Variants in PIWIL2 observed in about 807,000 individuals in gnomAD.
PIWIL2 encodes the protein piwi-like protein 2.
In PIWIL2, 81 loss-of-function variants were observed where a neutral mutation model predicts 116.5. The ratio of observed to expected loss-of-function variants is 0.70; its 90% CI spans 0.58 to 0.84. The LOEUF (loss-of-function observed/expected upper bound fraction) is 0.84. PIWIL2 is among the 40% of genes least tolerant of loss of function. The probability of loss-of-function intolerance (pLI) is 0.00; values close to 1 mark genes in which losing one functional copy is unlikely to be tolerated. For missense variants in PIWIL2, 1,272 were observed against 1,212.3 expected (o/e 1.05, Z -0.73); for synonymous variants, 489 against 429.5 (o/e 1.14, Z -1.71).
intron 18 of PIWIL2, 30 bp from the exon 19 acceptor site, chr8:22,316,215 T>G: frequency 1.4e-6 from 2 of 1,406,000 alleles, no homozygotes; most frequent in Non-Finnish European, 2.0e-6. Flanking sequence ...AGGTCTGGGG[T>G]TTGGTTTTTG....
rs755506555 is a variant in PIWIL2 at position 22,283,221 on chromosome 8, A to C, written c.613A>C (p.Thr205Pro). 3 of 1,613,680 alleles carry C rather than the reference A, an allele frequency of 1.9e-6. No individual in the cohort carries two copies. The highest frequency in any genetic ancestry group is 2.5e-6 in the Non-Finnish European group (3 of 1,179,760). Residue 205 changes from threonine (T) to proline (P), a missense_variant, in exon 5 of 23, where the codon ACT becomes CCT. Coordinates refer to ENST00000356766, the MANE Select transcript of PIWIL2 (RefSeq NM_018068.5). ...LHSPDRPLVL[T>P]VEHKEKELIV... The stretch of plus-strand genomic sequence containing the variant: ...CTCTCCAGATCGCCCTCTGGTCCTG[A>C]CTGTGGAACACAAGGAAAAGTAAGT...
intron 10 of PIWIL2, among the ~76,000 whole-genome samples, chr8:22,293,224 G>A (rs954194458): frequency 2.0e-5 from 3 of 152,200 alleles, no homozygotes; most frequent in African/African-American, 7.2e-5. Flanking sequence ...TGGGAGGACT[G>A]CTTGAGGCCA....
At chr8:22,284,315 A>AG (rs1489347945) in intron 6 of PIWIL2, 43 bp downstream of exon 6, 2 of 1,036,428 alleles carry the variant, frequency 1.9e-6, no homozygotes, top group Non-Finnish European at 2.9e-6. Flanking sequence ...CTTAAAGGGC[A>AG]GTAAAAAAAA....
intron 20 of PIWIL2, among the ~76,000 whole-genome samples, chr8:22,347,889 C>T (rs767694971): frequency 7.2e-5 from 11 of 152,142 alleles, no homozygotes; most frequent in South Asian, 2.1e-4. Flanking sequence ...CTCTTACACT[C>T]CTCTGTTGCC....
rs1273180530 is a variant in PIWIL2, at chr8:22,275,369, T to C, written c.-76T>C. ...GTCTTCCCCTGAGGCCGCGCGGAGC[T>C]GGGCGACTGGGGCGAGGACTCGCGC... On this transcript the variant is annotated 5_prime_UTR_variant, in exon 1 of 23. Transcript: ENST00000356766. The C allele has an allele frequency of 2.0e-5, 3 of 152,624 alleles. No individual in the cohort carries two copies. The highest frequency in any genetic ancestry group is 3.9e-4 in the East Asian group (2 of 5,182). The allele number at this position is 152,624 out of a possible 1,614,324, so 9.5% of individuals were successfully genotyped here. A position where few individuals can be genotyped will look rare whatever the true frequency, so the allele number is the denominator to read the frequency against.
At chr8:22,281,271 A>G in intron 3 of PIWIL2, 64 bp downstream of exon 3, 1 of 1,547,950 alleles carries the variant, frequency 6.5e-7, no homozygotes, top group South Asian at 1.2e-5. Context: ...TAAAATCCAA[A>G]TGGTTTATTT....
At chr8:22,291,197 C>G (rs1830759075) in intron 10 of PIWIL2, among the ~76,000 whole-genome samples, 1 of 150,856 alleles carries the variant, frequency 6.6e-6, no homozygotes, top group South Asian at 2.1e-4. Flanking sequence ...GTTGCTTAGG[C>G]TGAAGTGCAG....
At chr8:22,298,831 G>A (rs1352086995) in intron 10 of PIWIL2, among the ~76,000 whole-genome samples, 2 of 152,224 alleles carry the variant, frequency 1.3e-5, no homozygotes, top group African/African-American at 4.8e-5. Flanking sequence ...GAGGAAGGGT[G>A]GTTACTCAGG....
chr8:22,319,264 C>T (rs1488108742), intron 20 of PIWIL2, among the ~76,000 whole-genome samples: 1 of 152,196 alleles, frequency 6.6e-6, no homozygotes, highest in African/African-American at 2.4e-5. Flanking sequence ...CCTATAGCAT[C>T]CTGCAAATAC....
intron 20 of PIWIL2, among the ~76,000 whole-genome samples, chr8:22,343,752 G>T (rs1007875458): frequency 6.6e-6 from 1 of 152,202 alleles, no homozygotes; most frequent in African/African-American, 2.4e-5. Context: ...GCTGGTGAGG[G>T]TGTAGAGCCA....
At chr8:22,319,822 C>G (rs1233602669) in intron 20 of PIWIL2, among the ~76,000 whole-genome samples, 1 of 152,186 alleles carries the variant, frequency 6.6e-6, no homozygotes, top group Non-Finnish European at 1.5e-5. Flanking sequence ...GGAAGTAATG[C>G]AGTATCACTT....
At chr8:22,349,335 TA>T (rs1294286883) in intron 20 of PIWIL2, among the ~76,000 whole-genome samples, 4 of 150,240 alleles carry the variant, frequency 2.7e-5, no homozygotes, top group Non-Finnish European at 4.4e-5. Context: ...ATTGATTTAT[TA>T]AGTCCCTTCT....
At chr8:22,351,043 T>C (rs1435189374) in intron 20 of PIWIL2, among the ~76,000 whole-genome samples, 1 of 151,688 alleles carries the variant, frequency 6.6e-6, no homozygotes, top group Admixed American at 6.6e-5. Flanking sequence ...CCCAGCTACT[T>C]GAGAGGCTGA....
chr8:22,307,925 C>A lies in PIWIL2; in HGVS notation c.1546-8C>A, dbSNP rs75567888. 92,614 of 1,586,628 alleles carry A rather than the reference C, an allele frequency of 0.058. 3,134 individuals carry two copies. The highest frequency in any genetic ancestry group is 0.11 in the Admixed American group (6,420 of 57,932). On this transcript the variant is annotated splice_polypyrimidine_tract_variant and splice_region_variant and intron_variant, in intron 13 of 22. Transcript: ENST00000356766. ...TTTATAAGTTATCTTTATTTTAATT[C>A]TGTTTAGGATTTGGCTCAGCAAATC...
chr8:22,298,673 G>A (rs1336914504), intron 10 of PIWIL2, among the ~76,000 whole-genome samples: 2 of 152,222 alleles, frequency 1.3e-5, no homozygotes, highest in African/African-American at 4.8e-5. Flanking sequence ...TCAGAGGATG[G>A]TGAGACCTCT....
chr8:22,334,064 T>G (rs1586588030), intron 20 of PIWIL2, among the ~76,000 whole-genome samples: 1 of 151,506 alleles, frequency 6.6e-6, no homozygotes, highest in Non-Finnish European at 1.5e-5. Flanking sequence ...ACCTCCGCCT[T>G]GTGGGTTCAA....
intron 8 of PIWIL2, among the ~76,000 whole-genome samples, chr8:22,289,365 A>G (rs1201769083): frequency 1.3e-5 from 2 of 151,954 alleles, no homozygotes; most frequent in African/African-American, 4.8e-5. Flanking sequence ...GTTGGCCAGG[A>G]TGGTCTCGAT....
intron 20 of PIWIL2, among the ~76,000 whole-genome samples, chr8:22,344,554 C>T (rs945110151): frequency 1.3e-5 from 2 of 151,914 alleles, no homozygotes; most frequent in African/African-American, 4.8e-5. Flanking sequence ...GGTACCATAT[C>T]GTATGCACGA....
intron 17 of PIWIL2, among the ~76,000 whole-genome samples, 192 bp from the exon 18 acceptor site, chr8:22,314,831 ATGTGTG>A (rs536104435): frequency 2.0e-5 from 3 of 150,690 alleles, no homozygotes; most frequent in Non-Finnish European, 4.4e-5. Flanking sequence ...GTGTGTGTGT[ATGTGTG>A]TGTGTGTGTG....
Sources: gnomAD v4.1 joint callset for allele counts (sites outside exome capture counted in the v4.1 genomes callset) on GRCh38, gnomAD v4.1.1 for gene constraint, MANE v1.5 for transcripts, NCBI Gene and HGNC (gene_info 2026-07-23, HGNC 2026-07-21) for gene names.